Variants in NEBL observed in about 807,000 individuals in gnomAD.
The protein encoded by NEBL is nebulette.
NEBL carries 122 observed loss-of-function variants against 140.2 expected under a neutral mutation model. That is an observed-to-expected ratio of 0.87 (90% CI 0.75 to 1.01). The LOEUF is 1.01. Ranked by LOEUF, NEBL falls within the 50% of genes least tolerant of loss-of-function variation. The pLI is 0.00. For synonymous variants in NEBL, 436 were observed against 398.9 expected (o/e 1.09, Z -1.11); for missense variants, 1,365 against 1,231.3 (o/e 1.11, Z -1.62).
intron 26 of NEBL, among the ~76,000 whole-genome samples, chr10:20,806,238 A>C (rs1226081992): frequency 1.3e-5 from 2 of 152,140 alleles, no homozygotes; most frequent in Non-Finnish European, 2.9e-5. Context: ...CTGCAGAGGG[A>C]GTAGAGGCAT....
intron 4 of NEBL, among the ~76,000 whole-genome samples, chr10:20,949,598 T>A (rs553763259): frequency 7.2e-5 from 11 of 152,362 alleles, no homozygotes; most frequent in Middle Eastern, 3.4e-3. Flanking sequence ...AACATATTTA[T>A]GAATTTTTAA....
chr10:20,811,304 C>T (rs1318812118), intron 24 of NEBL, among the ~76,000 whole-genome samples: 1 of 152,244 alleles, frequency 6.6e-6, no homozygotes, highest in African/African-American at 2.4e-5. Flanking sequence ...TTTTTAGCAA[C>T]GACCTCACCA....
intron 2 of NEBL, among the ~76,000 whole-genome samples, chr10:21,171,112 G>C (rs567339080): frequency 7.9e-5 from 12 of 152,250 alleles, no homozygotes; most frequent in African/African-American, 2.9e-4. Flanking sequence ...GAGCGGGGCA[G>C]ATCACCTGAG....
At chr10:21,172,135 T>C in intron 2 of NEBL, 1 of 526,554 alleles carries the variant, frequency 1.9e-6, no homozygotes, top group Non-Finnish European at 3.4e-6. Context: ...TCCCTAAGGC[T>C]GTAACACTGC....
chr10:21,151,640 C>A (rs1840140951), intron 2 of NEBL, among the ~76,000 whole-genome samples: 1 of 152,118 alleles, frequency 6.6e-6, no homozygotes, highest in Admixed American at 6.5e-5. Flanking sequence ...TTGTAGGGTC[C>A]CCACCGTCCC....
intron 13 of NEBL, among the ~76,000 whole-genome samples, chr10:20,839,503 C>T (rs1253123064): frequency 6.6e-6 from 1 of 152,112 alleles, no homozygotes; most frequent in East Asian, 1.9e-4. Flanking sequence ...AATCCATACC[C>T]TTGGGAAGGA....
intron 2 of NEBL, among the ~76,000 whole-genome samples, chr10:21,145,782 C>G (rs75907214): frequency 1.3e-5 from 2 of 152,176 alleles, no homozygotes; most frequent in Admixed American, 6.5e-5. Flanking sequence ...CTAACCTGCA[C>G]GCAAACCCTG....
chr10:20,888,856 A>G (rs1007862191), intron 3 of NEBL, among the ~76,000 whole-genome samples: 1 of 152,226 alleles, frequency 6.6e-6, no homozygotes, highest in African/African-American at 2.4e-5. Flanking sequence ...ATTTATCTGC[A>G]CGGGAGAATG....
At chr10:20,944,474 T>G (rs1309629641) in intron 4 of NEBL, among the ~76,000 whole-genome samples, 1 of 152,214 alleles carries the variant, frequency 6.6e-6, no homozygotes, top group Non-Finnish European at 1.5e-5. Flanking sequence ...CACCCCACAT[T>G]GCAGACATTT....
intron 20 of NEBL, chr10:20,818,799 C>A (rs1337221361): frequency 2.0e-6 from 2 of 988,706 alleles, no homozygotes; most frequent in East Asian, 1.1e-4. Context: ...GGTACAGCAA[C>A]ACAGTCCCAA....
In NEBL at chr10:21,120,168, G is replaced by A. The variant is rs1298151401; in HGVS notation, c.164+52215C>T. Among the ~76,000 whole-genome samples, 6 of 151,460 alleles carry A rather than the reference G, an allele frequency of 4.0e-5. No homozygotes were observed. In the East Asian group the frequency reaches 5.9e-4, roughly 15 times the overall value. ...GGAGGATCCCTTGAGACCAGAATTC[G>A]AAACCAGCCTGGCCTGGGCAATATA... is the stretch of plus-strand genomic sequence containing the variant. On this transcript the variant is annotated intron_variant, in intron 2 of 6. Transcript: ENST00000417816.
At chr10:20,942,869 C>G (rs1401059153) in intron 4 of NEBL, among the ~76,000 whole-genome samples, 2 of 152,182 alleles carry the variant, frequency 1.3e-5, no homozygotes, top group African/African-American at 4.8e-5. Flanking sequence ...CAGAGAAATG[C>G]AAATCAAAAC....
At chr10:21,204,411 C>T (rs1465613819) in intron 3 of NEBL, among the ~76,000 whole-genome samples, 2 of 152,160 alleles carry the variant, frequency 1.3e-5, no homozygotes, top group East Asian at 3.9e-4. Flanking sequence ...TAAGAAGAGA[C>T]AGTAGAGACC....
chr10:20,903,014 G>A (rs1370646516), intron 4 of NEBL, among the ~76,000 whole-genome samples: 1 of 152,126 alleles, frequency 6.6e-6, no homozygotes, highest in East Asian at 1.9e-4. Flanking sequence ...GTTGAAAACT[G>A]ATAAGAATGA....
intron 2 of NEBL, among the ~76,000 whole-genome samples, chr10:21,081,687 T>C (rs1836376322): frequency 6.6e-6 from 1 of 152,046 alleles, no homozygotes; most frequent in Non-Finnish European, 1.5e-5. Context: ...CTCGGAGAAG[T>C]GATTGATTCC....
chr10:21,087,873 T>A (rs994387084), intron 2 of NEBL, among the ~76,000 whole-genome samples: 2 of 152,202 alleles, frequency 1.3e-5, no homozygotes, highest in African/African-American at 2.4e-5. Context: ...AAAATGGACA[T>A]GTAAAATGAA....
At chr10:21,038,438 A>C (rs1190028463) in intron 2 of NEBL, among the ~76,000 whole-genome samples, 2 of 151,932 alleles carry the variant, frequency 1.3e-5, no homozygotes, top group Non-Finnish European at 2.9e-5. Context: ...TTCAACTCCC[A>C]CTTATGAGTG....
chr10:21,222,464 GTTA>G (rs1564545069), intron 3 of NEBL, among the ~76,000 whole-genome samples: 1 of 152,018 alleles, frequency 6.6e-6, no homozygotes, highest in African/African-American at 2.4e-5. Flanking sequence ...TGTTTTTGGT[GTTA>G]TTGTTGCTGA....
In NEBL at chr10:20,845,302, G is replaced by A. The variant is rs1030819438; in HGVS notation, c.1183C>T (p.Pro395Ser). ...GRSSLDLDKT[P>S]EFLHVKYITN... ...ATGTACTTTACATGTAAAAATTCTG[G>A]AGTCTTGTCTAAATCCAGTGATGAC... The change falls in exon 12 of 28, where the codon CCA becomes TCA. Residue 395 changes from proline (P) to serine (S), a missense_variant. Pro to Ser is a moderately conservative substitution (Grantham distance 74). Around this residue, in one of 2 missense-constraint regions of NEBL, gnomAD observed 1,323 missense variants for 1,154.8 expected, o/e 1.15. Transcript: ENST00000377122. 1.2e-6 allele frequency: 2 copies of A among 1,605,112 alleles called. No individual in the cohort carries two copies.
Sources: allele counts gnomAD v4.1 joint callset (sites outside exome capture counted in the v4.1 genomes callset), GRCh38; gene constraint gnomAD v4.1.1; regional missense constraint gnomAD v4.1.1; transcripts MANE v1.5; gene names NCBI Gene and HGNC (gene_info 2026-07-23, HGNC 2026-07-21).